SEC23A: variants seen among roughly 807,000 people sequenced by gnomAD.
SEC23A encodes the protein protein transport protein Sec23A.
A neutral mutation model predicts 103.7 loss-of-function variants in SEC23A; 56 were observed. The observed-to-expected ratio is 0.54, with a 90% confidence interval of 0.44 to 0.67. SEC23A has a LOEUF of 0.67. SEC23A is among the 30% of genes least tolerant of loss of function. SEC23A has a pLI of 0.00. For synonymous variants in SEC23A, 281 were observed against 293.0 expected, an observed-to-expected ratio of 0.96 and a Z score of 0.42; for missense variants, 784 against 936.4, an observed-to-expected ratio of 0.84 and a Z score of 2.12.
At chr14:39,050,383 T>A (rs1293042679) in intron 14 of SEC23A, among the ~76,000 whole-genome samples, 1 of 152,150 alleles carries the variant, frequency 6.6e-6, no homozygotes, top group Non-Finnish European at 1.5e-5. Context: ...CTAACCTCTA[T>A]AAGAAAATGG....
chr14:39,049,274 G>A (rs1182995264), intron 14 of SEC23A, among the ~76,000 whole-genome samples: 5 of 151,690 alleles, frequency 3.3e-5, no homozygotes, highest in Admixed American at 2.0e-4. Context: ...TCAGGAGTTC[G>A]AGACCAGCCT....
intron 11 of SEC23A, 107 bp downstream of exon 11, chr14:39,064,806 C>G (rs756118930): frequency 8.4e-6 from 7 of 835,030 alleles, no homozygotes; most frequent in African/African-American, 1.7e-5. Flanking sequence ...TCTCTAACTC[C>G]TGGGCTTAAG....
At chr14:39,077,042 C>G (rs1393041442) in intron 7 of SEC23A, among the ~76,000 whole-genome samples, 1 of 151,386 alleles carries the variant, frequency 6.6e-6, no homozygotes, top group Admixed American at 6.6e-5. Context: ...GTCTGGCCAA[C>G]ATGGTTGAAA....
intron 7 of SEC23A, among the ~76,000 whole-genome samples, chr14:39,076,628 G>C (rs1368124869): frequency 1.3e-5 from 2 of 150,542 alleles, no homozygotes; most frequent in Admixed American, 6.6e-5. Flanking sequence ...AAGTATCATA[G>C]AACAACAAAA....
chr14:39,047,507 C>G, intron 15 of SEC23A: 1 of 688,820 alleles, frequency 1.5e-6, no homozygotes, highest in Non-Finnish European at 2.0e-6. Context: ...AAAACAACAA[C>G]AACAAAAAAA....
chr14:39,058,311 T>A (rs1886316778), intron 13 of SEC23A, among the ~76,000 whole-genome samples: 1 of 151,990 alleles, frequency 6.6e-6, no homozygotes, highest in Non-Finnish European at 1.5e-5. Context: ...TAATTTTTTT[T>A]ATTTTTTGAG....
chr14:39,049,056 A>C (rs971683428), intron 14 of SEC23A, among the ~76,000 whole-genome samples: 2 of 152,168 alleles, frequency 1.3e-5, no homozygotes, highest in African/African-American at 4.8e-5. Flanking sequence ...TAAAACACCA[A>C]AAAGGCTGGC....
At chr14:39,058,220 A>C (rs1377318643) in intron 13 of SEC23A, among the ~76,000 whole-genome samples, 1 of 152,136 alleles carries the variant, frequency 6.6e-6, no homozygotes, top group Non-Finnish European at 1.5e-5. Flanking sequence ...TACATGTAAG[A>C]GTGATGAGTG....
intron 12 of SEC23A, 151 bp downstream of exon 12, chr14:39,063,173 T>TA (rs1886536191): frequency 3.6e-6 from 2 of 557,714 alleles, no homozygotes; most frequent in South Asian, 2.7e-5. Flanking sequence ...CCTTGAAAAA[T>TA]AAAAAACGAC....
intron 7 of SEC23A, among the ~76,000 whole-genome samples, chr14:39,081,679 A>G (rs1174018471): frequency 6.6e-6 from 1 of 152,214 alleles, no homozygotes; most frequent in Non-Finnish European, 1.5e-5. Flanking sequence ...AGTTACAAAT[A>G]TGGAAAAGTG....
At chr14:39,060,102 CAT>C (rs1491250067) in intron 13 of SEC23A, among the ~76,000 whole-genome samples, 37 of 142,562 alleles carry the variant, frequency 2.6e-4, no homozygotes, top group Admixed American at 4.8e-4. Flanking sequence ...TGTGCACACA[CAT>C]GTGTGTGTGT....
intron 13 of SEC23A, among the ~76,000 whole-genome samples, chr14:39,059,289 A>C (rs868252855): frequency 8.7e-5 from 8 of 91,532 alleles, no homozygotes; most frequent in South Asian, 6.6e-4. Flanking sequence ...AAAAAAAAAA[A>C]AAAAAAAAAA....
intron 10 of SEC23A, 120 bp downstream of exon 10, chr14:39,067,053 T>C (rs759547831): frequency 3.9e-6 from 5 of 1,290,426 alleles, no homozygotes; most frequent in African/African-American, 1.5e-5. Context: ...GGTTTCAATA[T>C]AAAATAACCA....
chr14:39,101,410 G>A (rs1452208420), intron 1 of SEC23A, among the ~76,000 whole-genome samples: 2 of 151,744 alleles, frequency 1.3e-5, no homozygotes, highest in Non-Finnish European at 2.9e-5. Flanking sequence ...ATGAGGTCAG[G>A]AGATCGAGAC....
intron 12 of SEC23A, among the ~76,000 whole-genome samples, chr14:39,062,541 A>G (rs893218808): frequency 3.3e-5 from 5 of 152,178 alleles, no homozygotes; most frequent in African/African-American, 1.2e-4. Flanking sequence ...CCAACCAATG[A>G]AAGATTAATA....
chr14:39,043,351 T>C (rs1422810942), intron 16 of SEC23A, among the ~76,000 whole-genome samples: 11 of 152,140 alleles, frequency 7.2e-5, no homozygotes, highest in African/African-American at 2.4e-4. Context: ...TGAATTCTTA[T>C]AGTGTATTTT....
chr14:39,097,506 G>T (rs775443061), intron 1 of SEC23A, among the ~76,000 whole-genome samples: 12 of 151,820 alleles, frequency 7.9e-5, no homozygotes, highest in African/African-American at 1.5e-4. Flanking sequence ...TTATTTGGGG[G>T]GAAAAAGTTA....
At chr14:39,042,637 T>G (rs892407769) in intron 17 of SEC23A, 149 bp downstream of exon 17, 21 of 610,600 alleles carry the variant, frequency 3.4e-5, no homozygotes, top group South Asian at 7.9e-5. Context: ...TAAAACCTTA[T>G]AGTAGGCAGC....
chr14:39,058,699 A>G (rs986760035), intron 13 of SEC23A, among the ~76,000 whole-genome samples: 2 of 152,240 alleles, frequency 1.3e-5, no homozygotes, highest in African/African-American at 4.8e-5. Flanking sequence ...TCAGTGTAGT[A>G]AACAGTAAGA....
Sources: gnomAD v4.1 joint callset for allele counts (sites outside exome capture counted in the v4.1 genomes callset) on GRCh38, gnomAD v4.1.1 for gene constraint, MANE v1.5 for transcripts, NCBI Gene and HGNC (gene_info 2026-07-23, HGNC 2026-07-21) for gene names.